Variants in ATP1A3 observed in about 807,000 individuals in gnomAD.
ATP1A3 encodes the protein ATPase Na+/K+ transporting subunit alpha 3.
ATP1A3 carries 12 observed loss-of-function variants against 108.8 expected under a neutral mutation model. That is an observed-to-expected ratio of 0.11 (90% CI 0.07 to 0.18). The LOEUF is 0.18. ATP1A3 is among the 10% of genes least tolerant of loss of function. ATP1A3 has a pLI of 1.00. For missense variants in ATP1A3, 498 were observed against 1,387.7 expected (o/e 0.36, Z 10.19); for synonymous variants, 539 against 564.5 (o/e 0.95, Z 0.64).
At position 41,978,416 on chromosome 19, in the gene ATP1A3, C is replaced by T. The variant is rs1599715657; in HGVS notation, c.1631-90G>A. The stretch of plus-strand genomic sequence containing the variant: ...GATGTCTGCATCGCCCGCATTCCAT[C>T]TCCCCATCAGCAAGACGGCCAGTCA... On this transcript the variant is annotated intron_variant, in intron 12 of 22. Coordinates refer to ENST00000648268, the MANE Select transcript of ATP1A3 (RefSeq NM_152296.5). The surrounding 1 kb of genome is among the most constrained non-coding windows in gnomAD (Gnocchi z 8.3). 1 of 1,508,294 alleles carries T rather than the reference C, an allele frequency of 6.6e-7. No individual in the cohort carries two copies. The highest frequency in any genetic ancestry group is 9.0e-7 in the Non-Finnish European group (1 of 1,114,536). The allele number at this position is 1,508,294 out of a possible 1,614,324, so 93.4% of individuals were successfully genotyped here. A position where few individuals can be genotyped will look rare whatever the true frequency, so the allele number is the denominator to read the frequency against.
chr19:41,993,889 A>AC (rs1209313859), intron 1 of ATP1A3, 182 bp downstream of exon 1: 19 of 1,145,602 alleles, frequency 1.7e-5, no homozygotes, highest in East Asian at 8.4e-5. Flanking sequence ...TGCGCCACAG[A>AC]CCCCCCGCCG....
chr19:41,972,208 C>T (rs2075116899), intron 16 of ATP1A3, among the ~76,000 whole-genome samples: 1 of 151,986 alleles, frequency 6.6e-6, no homozygotes, highest in South Asian at 2.1e-4. Context: ...CGCAATTGTG[C>T]CATTGCACTC....
intron 1 of ATP1A3, chr19:41,993,501 GCACACACACACACACACACACACACA>G (rs4060828): frequency 9.9e-4 from 669 of 678,384 alleles, no homozygotes; most frequent in Middle Eastern, 1.9e-3. Flanking sequence ...TGCGGAGCCT[GCACACACACACACACACACACACACA>G]CACACACACA....
At position 41,969,420 on chromosome 19, in the gene ATP1A3, C is replaced by T. The variant is rs782685225; in HGVS notation, c.2688+15G>A. 1.9e-6 allele frequency: 3 copies of T among 1,614,096 alleles called. No homozygotes were observed. In the East Asian group the frequency reaches 6.7e-5, roughly 36 times the overall value. On this transcript the variant is annotated intron_variant, in intron 19 of 22. Transcript: ENST00000648268. ...TCTTACGGTGGGCAGAGACACAGCA[C>T]CCTGCCCTACTCACCCACTGCTGCC...
intron 1 of ATP1A3, chr19:41,993,256 G>C (rs1555867999): frequency 4.8e-6 from 4 of 835,126 alleles, no homozygotes; most frequent in Non-Finnish European, 7.6e-6. Context: ...AGCCAGGGAG[G>C]GAGGCGGCAT....
Position 41,982,115 on chromosome 19 carries a change from C to T in ATP1A3, c.994-9G>A, listed in dbSNP as rs201175414. 5.2e-5 allele frequency: 84 copies of T among 1,613,994 alleles called. 1 individual carries two copies. In the Middle Eastern group the frequency reaches 1.7e-3, roughly 32 times the overall value. On this transcript the variant is annotated splice_polypyrimidine_tract_variant and intron_variant, in intron 8 of 22. Transcript: ENST00000648268. ...GTCAGCGTCAGACACACCTGGAGGA[C>T]GAGCAAGGGCAGGCAAGTTACAGGG...
chr19:41,966,997 G>A, intron 22 of ATP1A3, 32 bp from the exon 23 acceptor site: 7 of 1,551,658 alleles, frequency 4.5e-6, no homozygotes, highest in Non-Finnish European at 6.1e-6. Context: ...GAAAGAGACA[G>A]AGTAAGAGAT....
Position 41,969,513 on chromosome 19 carries a change from G to A in ATP1A3, c.2610C>T (p.Pro870=), listed in dbSNP as rs35272495. ...TCAGCCGGATGCCCACCAGGTTGCC[G>A]GGCAAGAAGCCATTTTCTGCCAGGA... is the stretch of plus-strand genomic sequence containing the variant. ...FVILAENGFL[P]GNLVGIRLNW... is the part of the protein sequence containing the mutation. The change falls in exon 19 of 23, where the codon CCC becomes CCT. Residue 870 remains proline, a synonymous_variant. Coordinates refer to ENST00000648268, the MANE Select transcript of ATP1A3 (RefSeq NM_152296.5). 2.0e-3 allele frequency: 3,297 copies of A among 1,614,140 alleles called. 30 individuals are homozygous for A. The highest frequency in any genetic ancestry group is 0.02 in the African/African-American group (1,513 of 75,022).
At chr19:41,993,650 G>A in intron 1 of ATP1A3, 2 of 659,116 alleles carry the variant, frequency 3.0e-6, no homozygotes, top group South Asian at 2.0e-5. Flanking sequence ...GAAGCAGGGG[G>A]GCCTCAATAA....
intron 1 of ATP1A3, among the ~76,000 whole-genome samples, chr19:41,989,146 C>T (rs2075313082): frequency 3.3e-5 from 5 of 151,148 alleles, no homozygotes; most frequent in Admixed American, 3.3e-4. Context: ...CACTACACTG[C>T]CCAGGCTGGT....
intron 8 of ATP1A3, 55 bp downstream of exon 8, chr19:41,984,863 C>A (rs2075271289): frequency 6.4e-7 from 1 of 1,568,338 alleles, no homozygotes; most frequent in East Asian, 2.3e-5. Flanking sequence ...TCCCTCAGAC[C>A]CAGGAGCCCA....
At position 41,986,654 on chromosome 19, in the gene ATP1A3, G is replaced by C. The variant is rs1161372927; in HGVS notation, c.358-425C>G. 4.2e-5 allele frequency: 10 copies of C among 240,652 alleles called. No individual in the cohort carries two copies. The East Asian group carries it at 5.4e-4, about 13-fold the overall frequency. The allele number at this position is 240,652 out of a possible 1,614,324, so 14.9% of individuals were successfully genotyped here. A position where few individuals can be genotyped will look rare whatever the true frequency, so the allele number is the denominator to read the frequency against. The stretch of plus-strand genomic sequence containing the variant: ...GATGGGGCTTCACCATGTTGGCTAG[G>C]ATGGTCTTGATCTCCTGACCTTGTG... On this transcript the variant is annotated intron_variant, in intron 4 of 22. Transcript: ENST00000648268.
intron 16 of ATP1A3, among the ~76,000 whole-genome samples, chr19:41,972,892 A>C (rs1382072612): frequency 2.7e-5 from 1 of 36,756 alleles, no homozygotes; most frequent in Non-Finnish European, 5.2e-5. Context: ...GCAGGGACGG[A>C]GGGAGGGAGG....
At chr19:41,986,342 T>C (rs782289160) in intron 4 of ATP1A3, 113 bp from the exon 5 acceptor site, 123 of 1,003,128 alleles carry the variant, frequency 1.2e-4, no homozygotes, top group Non-Finnish European at 1.8e-4. Flanking sequence ...TCTGTATTTG[T>C]GTGTCTGACC....
At chr19:41,992,816 C>G (rs540335601) in intron 1 of ATP1A3, 1 of 153,434 alleles carries the variant, frequency 6.5e-6, no homozygotes, top group Non-Finnish European at 1.5e-5. Context: ...TTTCTCCTCT[C>G]GTCCCCACTC....
chr19:41,972,867 A>C (rs560612877), intron 16 of ATP1A3, among the ~76,000 whole-genome samples: 278 of 130,076 alleles, frequency 2.1e-3, no homozygotes, highest in African/African-American at 7.4e-3. Context: ...GGAAAGAAGG[A>C]AGGAAGGCAG....
At chr19:41,971,572 A>C (rs1369647100) in intron 16 of ATP1A3, among the ~76,000 whole-genome samples, 1 of 152,202 alleles carries the variant, frequency 6.6e-6, no homozygotes, top group African/African-American at 2.4e-5. Flanking sequence ...CACAGCAAGA[A>C]GGGGCGAGCT....
At position 41,994,154 on chromosome 19, in the gene ATP1A3, G is replaced by C. The variant is rs2075365825; in HGVS notation, c.-78C>G. ...CGGGCTCAGGCTCAGGCTTGGGCTG[G>C]GAGCCTCTGCAGCGCCCGCGCCTCG... On this transcript the variant is annotated 5_prime_UTR_variant, in exon 1 of 23. Coordinates refer to ENST00000648268, the MANE Select transcript of ATP1A3 (RefSeq NM_152296.5). 9.1e-6 allele frequency: 13 copies of C among 1,431,540 alleles called. No individual in the cohort carries two copies. The highest frequency in any genetic ancestry group is 1.1e-5 in the Non-Finnish European group (12 of 1,073,334). The allele number at this position is 1,431,540 out of a possible 1,614,324, so 88.7% of individuals were successfully genotyped here. A position where few individuals can be genotyped will look rare whatever the true frequency, so the allele number is the denominator to read the frequency against.
At chr19:41,977,857 G>C in intron 14 of ATP1A3, 79 bp downstream of exon 14, 1 of 1,572,346 alleles carries the variant, frequency 6.4e-7, no homozygotes, top group Non-Finnish European at 8.6e-7. Flanking sequence ...CAGTGCAGAG[G>C]GAGGTTGGGG....
Sources: gnomAD v4.1 joint callset for allele counts (sites outside exome capture counted in the v4.1 genomes callset) on GRCh38, gnomAD v4.1.1 for gene constraint, Gnocchi (gnomAD v3.1) non-coding constraint, MANE v1.5 for transcripts, NCBI Gene and HGNC (gene_info 2026-07-23, HGNC 2026-07-21) for gene names.